The following NRG1 variants were observed in gnomAD, a reference collection of about 807,000 sequenced individuals.
NRG1 encodes the protein neuregulin 1.
A neutral mutation model predicts 63.8 loss-of-function variants in NRG1; 18 were observed. The observed-to-expected ratio is 0.28, with a 90% CI of 0.19 to 0.42. NRG1 has a LOEUF of 0.42. Ranked by LOEUF, NRG1 falls within the 10% of genes least tolerant of loss-of-function variation. The pLI is 1.00. For synonymous variants in NRG1, 302 were observed against 301.3 expected (o/e 1.00, Z -0.02); for missense variants, 762 against 814.7 (o/e 0.94, Z 0.79).
chr8:32,346,256 T>C (rs1804882010), intron 1 of NRG1, among the ~76,000 whole-genome samples: 2 of 148,480 alleles, frequency 1.3e-5, no homozygotes, highest in Non-Finnish European at 3.0e-5. Context: ...TATATTCACA[T>C]GTTATATGAA....
intron 1 of NRG1, among the ~76,000 whole-genome samples, chr8:32,129,683 T>C (rs1415375231): frequency 1.3e-5 from 2 of 151,932 alleles, no homozygotes; most frequent in African/African-American, 2.4e-5. Context: ...TACTAATTAA[T>C]ATAAATTATG....
At chr8:32,040,667 GTATA>G (rs1187247214) in intron 1 of NRG1, among the ~76,000 whole-genome samples, 23 of 126,066 alleles carry the variant, frequency 1.8e-4, no homozygotes, top group Non-Finnish European at 3.8e-4. Context: ...ATGTATATAT[GTATA>G]TACACACACA....
intron 1 of NRG1, among the ~76,000 whole-genome samples, chr8:32,051,613 C>T (rs1821988072): frequency 1.3e-5 from 2 of 152,040 alleles, no homozygotes; most frequent in South Asian, 4.1e-4. Context: ...TTATGGCATG[C>T]CAGCAACCTC....
intron 5 of NRG1, among the ~76,000 whole-genome samples, chr8:32,642,298 G>A (rs1852571875): frequency 1.3e-5 from 2 of 152,168 alleles, no homozygotes; most frequent in Admixed American, 6.5e-5. Context: ...CTAAGTTTGG[G>A]ACAATCAAAT....
At chr8:32,716,815 CATGTGCGT>C (rs1819346052) in intron 5 of NRG1, among the ~76,000 whole-genome samples, 1 of 85,200 alleles carries the variant, frequency 1.2e-5, no homozygotes, top group African/African-American at 4.3e-5. Context: ...TGTGTGTGTG[CATGTGCGT>C]GTGTGTGTGT....
At chr8:31,724,351 T>C (rs912139180) in intron 1 of NRG1, among the ~76,000 whole-genome samples, 1 of 152,094 alleles carries the variant, frequency 6.6e-6, no homozygotes, top group Non-Finnish European at 1.5e-5. Context: ...CTACTGTATT[T>C]GCATGAGAAA....
intron 1 of NRG1, among the ~76,000 whole-genome samples, chr8:31,926,909 G>A (rs976576373): frequency 1.3e-5 from 2 of 152,086 alleles, no homozygotes; most frequent in African/African-American, 4.8e-5. Flanking sequence ...TATTTTTCCA[G>A]TAACCTGACC....
At chr8:32,684,186 C>A (rs562604167) in intron 5 of NRG1, among the ~76,000 whole-genome samples, 8 of 152,144 alleles carry the variant, frequency 5.3e-5, no homozygotes, top group African/African-American at 1.7e-4. Flanking sequence ...ATAGTCAGCT[C>A]TAGAATTCTT....
chr8:32,763,214 T>A (rs1831028431), intron 11 of NRG1: 2 of 1,612,796 alleles, frequency 1.2e-6, no homozygotes, highest in East Asian at 4.5e-5. Flanking sequence ...TTTTTTTTCA[T>A]AAGACATAAC....
intron 1 of NRG1, among the ~76,000 whole-genome samples, chr8:32,004,550 G>T (rs182251842): frequency 5.4e-4 from 82 of 151,712 alleles, no homozygotes; most frequent in African/African-American, 1.1e-3. Flanking sequence ...TGTGCTTTTG[G>T]TTCAACTTTT....
At chr8:31,751,704 TTAGA>T (rs778401146) in intron 1 of NRG1, among the ~76,000 whole-genome samples, 6 of 151,914 alleles carry the variant, frequency 3.9e-5, no homozygotes, top group Non-Finnish European at 8.8e-5. Context: ...CAGTGGTAGC[TTAGA>T]TGGATGTTTG....
intron 1 of NRG1, among the ~76,000 whole-genome samples, chr8:32,497,474 C>G (rs1204721367): frequency 2.0e-5 from 3 of 148,980 alleles, no homozygotes; most frequent in African/African-American, 7.4e-5. Flanking sequence ...AGGAAAATCT[C>G]TAAAATGATA....
In NRG1 at chr8:32,495,422, A is replaced by C. The variant is rs148152029; in HGVS notation, c.38-100406A>C. On this transcript the variant is annotated intron_variant, in intron 1 of 10. Coordinates refer to the NRG1 transcript ENST00000519301. ...CCATGTGGAACTGTGAGTCCATTAA[A>C]CCTCTTTCTTTATAAATTACTCAGT... Among the ~76,000 whole-genome samples the C allele has an allele frequency of 6.3e-3, 949 of 151,148 alleles. 7 individuals are homozygous for C. The highest frequency in any genetic ancestry group is 0.022 in the African/African-American group (895 of 41,148).
At chr8:31,969,222 G>A (rs117668546) in intron 1 of NRG1, among the ~76,000 whole-genome samples, 388 of 152,234 alleles carry the variant, frequency 2.5e-3, no homozygotes, top group Non-Finnish European at 4.6e-3. Context: ...TGAAAGTACT[G>A]TGAAGTTTCT....
intron 1 of NRG1, among the ~76,000 whole-genome samples, chr8:32,020,457 G>A (rs560201077): frequency 3.4e-4 from 51 of 151,860 alleles, no homozygotes; most frequent in African/African-American, 1.2e-3. Context: ...GCCAATTTTT[G>A]TACATTTTAT....
intron 1 of NRG1, among the ~76,000 whole-genome samples, chr8:32,198,889 T>C (rs1026304758): frequency 8.6e-5 from 13 of 151,668 alleles, no homozygotes; most frequent in African/African-American, 2.9e-4. Flanking sequence ...TCTTAATATA[T>C]ATATATATCT....
chr8:32,236,944 G>A (rs1221695684), intron 1 of NRG1, among the ~76,000 whole-genome samples: 1 of 152,086 alleles, frequency 6.6e-6, no homozygotes, highest in Non-Finnish European at 1.5e-5. Flanking sequence ...TGCTATCACG[G>A]TGCAGGATAA....
At chr8:32,067,398 A>G (rs1825023906) in intron 1 of NRG1, among the ~76,000 whole-genome samples, 1 of 152,116 alleles carries the variant, frequency 6.6e-6, no homozygotes, top group Admixed American at 6.6e-5. Flanking sequence ...TTTAGCATGA[A>G]GCGTTGTTGA....
At chr8:31,893,029 A>G (rs1831273904) in intron 1 of NRG1, among the ~76,000 whole-genome samples, 1 of 151,880 alleles carries the variant, frequency 6.6e-6, no homozygotes, top group Admixed American at 6.6e-5. Context: ...TATGCTGAGT[A>G]AAGAATATGG....
Sources: allele counts gnomAD v4.1 joint callset (sites outside exome capture counted in the v4.1 genomes callset), GRCh38; gene constraint gnomAD v4.1.1; transcripts MANE v1.5; gene names NCBI Gene and HGNC (gene_info 2026-07-23, HGNC 2026-07-21).